FRMPD4: variants seen among roughly 807,000 people sequenced by gnomAD.
FRMPD4 encodes the protein FERM and PDZ domain containing 4.
In FRMPD4, 22 loss-of-function variants were observed where a neutral mutation model predicts 94.1. That is an observed-to-expected ratio of 0.23 (90% confidence interval 0.17 to 0.33). The LOEUF (loss-of-function observed/expected upper bound fraction) is 0.33. Ranked by LOEUF, FRMPD4 falls within the 10% of genes least tolerant of loss-of-function variation. The pLI is 1.00. For missense variants in FRMPD4, 1,111 were observed against 1,339.9 expected (o/e 0.83, Z 2.67); for synonymous variants, 631 against 548.6 (o/e 1.15, Z -2.10).
At chrX:12,108,392 C>A (rs1227511322) in intron 3 of FRMPD4, among the ~76,000 whole-genome samples, 1 of 111,836 alleles carries the variant, frequency 8.9e-6, no homozygotes, top group East Asian at 2.8e-4. Flanking sequence ...TTGTCACCAC[C>A]AGGCCTGCTC....
intron 4 of FRMPD4, 150 bp from the exon 5 acceptor site, chrX:12,674,713 C>A: frequency 2.2e-6 from 1 of 462,222 alleles, no homozygotes. Flanking sequence ...GGTCTGAAAG[C>A]CTACATCTGA....
intron 3 of FRMPD4, among the ~76,000 whole-genome samples, chrX:11,901,749 C>T (rs1306839524): frequency 1.8e-5 from 2 of 111,694 alleles, no homozygotes; most frequent in African/African-American, 6.5e-5. Flanking sequence ...ACATTCACAA[C>T]AGTATCTTTT....
chrX:12,446,421 A>G (rs1054509272), intron 1 of FRMPD4, among the ~76,000 whole-genome samples: 1 of 111,864 alleles, frequency 8.9e-6, no homozygotes, highest in Non-Finnish European at 1.9e-5. Flanking sequence ...TTTTGGGGCA[A>G]TTGAGGTGTT....
At chrX:12,490,472 T>C (rs976613640) in intron 1 of FRMPD4, among the ~76,000 whole-genome samples, 7 of 112,301 alleles carry the variant, frequency 6.2e-5, no homozygotes, top group Admixed American at 4.7e-4. Context: ...TTCTGTTCAC[T>C]GATGCATTCC....
intron 1 of FRMPD4, among the ~76,000 whole-genome samples, chrX:12,200,482 A>T (rs1358806638): frequency 9.0e-6 from 1 of 111,291 alleles, no homozygotes; most frequent in Non-Finnish European, 1.9e-5. Context: ...ATGTATTTTT[A>T]TTTTTTAAAA....
At chrX:12,161,767 G>A (rs1043893922) in intron 1 of FRMPD4, among the ~76,000 whole-genome samples, 10 of 111,649 alleles carry the variant, frequency 9.0e-5, no homozygotes, top group Admixed American at 1.9e-4. Context: ...TCTCTCTTAC[G>A]ATAAGAATAA....
intron 3 of FRMPD4, among the ~76,000 whole-genome samples, chrX:11,925,805 A>C (rs1350517962): frequency 9.0e-6 from 1 of 111,492 alleles, no homozygotes; most frequent in African/African-American, 3.3e-5. Flanking sequence ...AAAAGTTAGA[A>C]AGATCTCAAG....
intron 1 of FRMPD4, among the ~76,000 whole-genome samples, chrX:12,452,987 G>T (rs757631578): frequency 8.9e-6 from 1 of 112,057 alleles, no homozygotes; most frequent in African/African-American, 3.2e-5. Flanking sequence ...CCTGTAGAAG[G>T]TAGAGTAGAA....
chrX:12,394,974 G>A (rs1018107588), intron 1 of FRMPD4, among the ~76,000 whole-genome samples: 2 of 111,818 alleles, frequency 1.8e-5, no homozygotes, highest in Admixed American at 9.5e-5. Flanking sequence ...TGCTCCCAGC[G>A]TGTACTTGGT....
intron 1 of FRMPD4, among the ~76,000 whole-genome samples, chrX:12,193,838 G>GGAAGGAAGGAAGGAAGGGAGAAAAGA: frequency 1.7e-5 from 1 of 59,961 alleles, no homozygotes; most frequent in Admixed American, 2.4e-4. Flanking sequence ...AGGGAAGGAA[G>GGAAGGAAGGAAGGAAGGGAGAAAAGA]AAAGAAAAGA....
intron 1 of FRMPD4, among the ~76,000 whole-genome samples, chrX:11,848,893 GA>G (rs2053602468): frequency 9.0e-6 from 1 of 111,530 alleles, no homozygotes; most frequent in Non-Finnish European, 1.9e-5. Flanking sequence ...CTAAGATCAG[GA>G]AGAAGAGAAG....
rs904910106 is a variant in FRMPD4 at position 12,241,210 on chromosome X, T to C, written c.41+102198T>C. On this transcript the variant is annotated intron_variant, in intron 1 of 16. Coordinates refer to ENST00000675598, the MANE Select transcript of FRMPD4 (RefSeq NM_001368397.1). ...AAAACTGATGTTTGACTCATTACAT[T>C]CCAAAGATTTATCTGTTTTGGCTTA... Among the ~76,000 whole-genome samples the C allele has an allele frequency of 2.7e-5, 3 of 112,103 alleles. No individual in the cohort carries two copies. The Admixed American group carries it at 2.8e-4, about 11-fold the overall frequency.
intron 3 of FRMPD4, among the ~76,000 whole-genome samples, chrX:11,981,588 A>T (rs2054397263): frequency 8.9e-6 from 1 of 111,797 alleles, no homozygotes; most frequent in Non-Finnish European, 1.9e-5. Context: ...AGCTGTGCTT[A>T]TATGTACAAG....
intron 2 of FRMPD4, among the ~76,000 whole-genome samples, chrX:12,595,500 G>A (rs1249875983): frequency 9.0e-6 from 1 of 111,727 alleles, no homozygotes; most frequent in Non-Finnish European, 1.9e-5. Flanking sequence ...CTAGTAAAGT[G>A]GATACTGCTG....
chrX:11,866,606 T>A (rs1335577120), intron 2 of FRMPD4, among the ~76,000 whole-genome samples: 1 of 112,208 alleles, frequency 8.9e-6, no homozygotes, highest in East Asian at 2.8e-4. Context: ...TGTGTCTGTA[T>A]ATGTATATAG....
At chrX:12,570,218 T>C (rs1054433356) in intron 2 of FRMPD4, among the ~76,000 whole-genome samples, 1 of 112,274 alleles carries the variant, frequency 8.9e-6, no homozygotes, top group Non-Finnish European at 1.9e-5. Flanking sequence ...TTCCCCTGCA[T>C]TGCCAGTGCC....
intron 5 of FRMPD4, among the ~76,000 whole-genome samples, chrX:12,679,452 G>A (rs12012826): frequency 0.04 from 4,432 of 111,364 alleles, 233 homozygotes; most frequent in African/African-American, 0.14. Flanking sequence ...CCTTTATCGG[G>A]GGTCAGGGTG....
At chrX:12,135,461 AGGAGGAGGGGT>A (rs900594181), upstream of FRMPD4, among the ~76,000 whole-genome samples, 10 of 107,795 alleles carry the variant, frequency 9.3e-5, no homozygotes, top group African/African-American at 3.4e-4. Context: ...TGAGAAACAA[AGGAGGAGGGGT>A]GGAATCTCTT....
chrX:11,912,842 T>G (rs1254577705), intron 3 of FRMPD4, among the ~76,000 whole-genome samples: 4 of 109,599 alleles, frequency 3.6e-5, no homozygotes, highest in Non-Finnish European at 7.6e-5. Context: ...AGAAAAATGG[T>G]GAAGGGGCCG....
Sources: allele counts gnomAD v4.1 joint callset (sites outside exome capture counted in the v4.1 genomes callset), GRCh38; gene constraint gnomAD v4.1.1; transcripts MANE v1.5; gene names NCBI Gene and HGNC (gene_info 2026-07-23, HGNC 2026-07-21).